C1orf105: variants seen among roughly 807,000 people sequenced by gnomAD.
C1orf105 encodes the protein uncharacterized protein C1orf105.
In C1orf105, 17 loss-of-function variants were observed where a neutral mutation model predicts 20.8. The observed-to-expected ratio is 0.82, with a 90% CI of 0.56 to 1.23. The LOEUF (loss-of-function observed/expected upper bound fraction) is 1.23. Ranked by LOEUF, C1orf105 falls within the 50% of genes most tolerant of loss-of-function variation. The pLI, the probability that C1orf105 is intolerant of heterozygous loss-of-function variation, is 0.00. For missense variants in C1orf105, 219 were observed against 213.5 expected (o/e 1.03, Z -0.16); for synonymous variants, 72 against 72.1 (o/e 1.00, Z 0.01).
intron 6 of C1orf105, among the ~76,000 whole-genome samples, chr1:172,466,391 G>A (rs927326517): frequency 2.6e-5 from 4 of 152,086 alleles, no homozygotes; most frequent in Non-Finnish European, 4.4e-5. Flanking sequence ...CCTACCCAAC[G>A]AAAGCTACCC....
At chr1:172,442,553 AG>A in intron 1 of C1orf105, 1 of 1,614,176 alleles carries the variant, frequency 6.2e-7, no homozygotes, top group Non-Finnish European at 8.5e-7. Flanking sequence ...TTATCAGGAA[AG>A]GGCTGTCGCT....
At chr1:172,461,171 C>G (rs1460664570) in intron 4 of C1orf105, among the ~76,000 whole-genome samples, 3 of 152,220 alleles carry the variant, frequency 2.0e-5, no homozygotes, top group African/African-American at 4.8e-5. Flanking sequence ...GTTACCAGAT[C>G]AGCTCCTTCC....
intron 1 of C1orf105, among the ~76,000 whole-genome samples, chr1:172,437,107 T>C (rs1207427623): frequency 6.6e-6 from 1 of 152,140 alleles, no homozygotes; most frequent in Non-Finnish European, 1.5e-5. Flanking sequence ...GGAGAGGATG[T>C]GGAGAAATAA....
intron 5 of C1orf105, among the ~76,000 whole-genome samples, chr1:172,463,722 T>C (rs1649850958): frequency 6.6e-6 from 1 of 152,258 alleles, no homozygotes; most frequent in Non-Finnish European, 1.5e-5. Context: ...TTTTGTACTT[T>C]ATTTAAATAC....
At chr1:172,435,044 G>A (rs374825587) in intron 1 of C1orf105, among the ~76,000 whole-genome samples, 237 of 152,160 alleles carry the variant, frequency 1.6e-3, no homozygotes, top group African/African-American at 5.4e-3. Context: ...ACAACTAAAC[G>A]AGGAAAGAGC....
At chr1:172,466,942 A>G (rs1263156829) in intron 6 of C1orf105, among the ~76,000 whole-genome samples, 2 of 152,066 alleles carry the variant, frequency 1.3e-5, no homozygotes, top group Non-Finnish European at 2.9e-5. Flanking sequence ...CTGCTCTTGT[A>G]TGTGCTCTTA....
intron 2 of C1orf105, 72 bp from the exon 3 acceptor site, chr1:172,448,369 A>G: frequency 9.6e-7 from 1 of 1,046,078 alleles, no homozygotes; most frequent in Non-Finnish European, 1.5e-6. Flanking sequence ...GTATTCTCTC[A>G]GAAACAACCA....
chr1:172,465,384 C>T (rs370732550), intron 6 of C1orf105, 21 bp downstream of exon 6: 1 of 1,552,940 alleles, frequency 6.4e-7, no homozygotes, highest in Non-Finnish European at 8.9e-7. Context: ...TTTTAGAGTA[C>T]TTATAGTGTG....
At chr1:172,445,775 G>C (rs1473702858) in intron 2 of C1orf105, among the ~76,000 whole-genome samples, 2 of 152,134 alleles carry the variant, frequency 1.3e-5, no homozygotes, top group African/African-American at 4.8e-5. Context: ...AGGGGACATG[G>C]ACAGAAGGGT....
intron 1 of C1orf105, among the ~76,000 whole-genome samples, chr1:172,425,072 G>A (rs2149156846): frequency 6.6e-6 from 1 of 152,320 alleles, no homozygotes; most frequent in African/African-American, 2.4e-5. Flanking sequence ...TAGTATTATG[G>A]TCAAAGAATT....
chr1:172,437,667 G>A (rs950734539), intron 1 of C1orf105, among the ~76,000 whole-genome samples: 1 of 150,908 alleles, frequency 6.6e-6, no homozygotes, highest in Non-Finnish European at 1.5e-5. Context: ...AAACCAACAT[G>A]GCAAATGTAT....
In C1orf105 at chr1:172,461,694, T is replaced by G. The variant is rs113214581; in HGVS notation, c.274-484T>G. Among the ~76,000 whole-genome samples, 282 of 152,332 alleles carry G rather than the reference T, an allele frequency of 1.9e-3. 1 individual carries two copies. Among genetic ancestry groups the G allele is most frequent in the African/African-American group, 6.7e-3 (278 of 41,570 alleles). The stretch of plus-strand genomic sequence containing the variant: ...AAATATTTCTTAAACAGACATCGTG[T>G]TAGCAGCTGGAAATACAAAAATAGA... On this transcript the variant is annotated intron_variant, in intron 4 of 6. Transcript: ENST00000367727.
intron 1 of C1orf105, among the ~76,000 whole-genome samples, chr1:172,427,227 C>T (rs2071745749): frequency 6.6e-6 from 1 of 152,176 alleles, no homozygotes; most frequent in Non-Finnish European, 1.5e-5. Flanking sequence ...ACCTCATCTA[C>T]CCATTTACTA....
intron 3 of C1orf105, chr1:172,453,303 G>A (rs1648873763): frequency 7.2e-6 from 9 of 1,249,658 alleles, no homozygotes; most frequent in Non-Finnish European, 9.8e-6. Flanking sequence ...TTATCGGTAG[G>A]GGAAGGGAGA....
At chr1:172,453,520 T>C (rs1229107946) in intron 3 of C1orf105, among the ~76,000 whole-genome samples, 2 of 152,248 alleles carry the variant, frequency 1.3e-5, no homozygotes, top group African/African-American at 4.8e-5. Context: ...TTTTTCGTTT[T>C]ATATATTTAG....
At position 172,450,098 on chromosome 1, in the gene C1orf105, G is replaced by C. The variant is rs188097813; in HGVS notation, c.198+1567G>C. Among the ~76,000 whole-genome samples, 106 of 152,352 alleles carry C rather than the reference G, an allele frequency of 7.0e-4. 1 individual carries two copies. Among genetic ancestry groups the C allele is most frequent in the African/African-American group, 2.5e-3 (103 of 41,580 alleles). Reference sequence around the variant, plus strand: ...CTGCAATATTCATAGTTAGCCACTAGATGACAGTTAAGAGCAACAGCTTCC... The same window carrying C: ...CTGCAATATTCATAGTTAGCCACTACATGACAGTTAAGAGCAACAGCTTCC... On this transcript the variant is annotated intron_variant, in intron 3 of 6. Transcript: ENST00000367727.
At chr1:172,466,841 G>A (rs1372843483) in intron 6 of C1orf105, among the ~76,000 whole-genome samples, 2 of 152,116 alleles carry the variant, frequency 1.3e-5, no homozygotes, top group Non-Finnish European at 2.9e-5. Context: ...CTTAGAGGTG[G>A]GACTACAGGG....
chr1:172,462,057 C>A, intron 4 of C1orf105, 121 bp from the exon 5 acceptor site: 1 of 731,372 alleles, frequency 1.4e-6, no homozygotes, highest in Non-Finnish European at 2.3e-6. Flanking sequence ...ATTCACATCA[C>A]AAAAGGATGT....
intron 1 of C1orf105, among the ~76,000 whole-genome samples, chr1:172,429,332 C>T (rs1297249617): frequency 6.6e-5 from 10 of 152,108 alleles, no homozygotes; most frequent in Non-Finnish European, 1.3e-4. Flanking sequence ...AATACAGGTG[C>T]TATTATTTAT....
Sources: allele counts gnomAD v4.1 joint callset (sites outside exome capture counted in the v4.1 genomes callset), GRCh38; gene constraint gnomAD v4.1.1; transcripts MANE v1.5; gene names NCBI Gene and HGNC (gene_info 2026-07-23, HGNC 2026-07-21).